Variants in NCAM2 observed in about 807,000 individuals in gnomAD.
The protein encoded by NCAM2 is neural cell adhesion molecule 2.
NCAM2 carries 30 observed loss-of-function variants against 98.1 expected under a neutral mutation model. The ratio of observed to expected loss-of-function variants is 0.31; its 90% CI spans 0.23 to 0.41. The LOEUF (loss-of-function observed/expected upper bound fraction) is 0.41, where lower values mean the gene tolerates loss of function less well. NCAM2 is among the 10% of genes least tolerant of loss of function. The pLI, the probability that NCAM2 is intolerant of heterozygous loss-of-function variation, is 1.00. For missense variants in NCAM2, 867 were observed against 1,005.8 expected, an observed-to-expected ratio of 0.86 and a Z score of 1.87; for synonymous variants, 368 against 342.4, an observed-to-expected ratio of 1.07 and a Z score of -0.83.
At chr21:21,055,295 A>T (rs1026948892) in intron 1 of NCAM2, among the ~76,000 whole-genome samples, 1 of 152,044 alleles carries the variant, frequency 6.6e-6, no homozygotes, top group Non-Finnish European at 1.5e-5. Flanking sequence ...CTGTGAAATC[A>T]TTCAGATAAT....
chr21:21,246,477 G>A (rs1391970817), intron 1 of NCAM2, among the ~76,000 whole-genome samples: 1 of 152,068 alleles, frequency 6.6e-6, no homozygotes, highest in South Asian at 2.1e-4. Context: ...CAATATATTT[G>A]CATACAAAGA....
intron 1 of NCAM2, among the ~76,000 whole-genome samples, chr21:21,173,096 C>T (rs1046623905): frequency 1.3e-5 from 2 of 151,986 alleles, no homozygotes; most frequent in Non-Finnish European, 2.9e-5. Context: ...TAACATTATG[C>T]CTGAAGCATA....
At chr21:21,354,805 A>G (rs1367852490) in intron 8 of NCAM2, among the ~76,000 whole-genome samples, 2 of 147,618 alleles carry the variant, frequency 1.4e-5, no homozygotes, top group Admixed American at 6.9e-5. Flanking sequence ...TCATTGTAAA[A>G]GAAACTCATT....
intron 9 of NCAM2, among the ~76,000 whole-genome samples, chr21:21,374,836 T>C (rs1262867582): frequency 1.3e-5 from 2 of 151,802 alleles, no homozygotes; most frequent in Non-Finnish European, 2.9e-5. Flanking sequence ...ATTGATAGAA[T>C]GCAATGGTAA....
chr21:21,457,642 G>GAA (rs536117484), intron 12 of NCAM2, among the ~76,000 whole-genome samples: 2 of 136,478 alleles, frequency 1.5e-5, no homozygotes, highest in East Asian at 2.1e-4. Context: ...TCCTTCTCAA[G>GAA]AAAAAAAAAA....
chr21:21,162,389 T>C (rs933438018), intron 1 of NCAM2, among the ~76,000 whole-genome samples: 5 of 152,064 alleles, frequency 3.3e-5, no homozygotes, highest in Non-Finnish European at 7.4e-5. Context: ...AAAATATACA[T>C]AAAACATAAA....
chr21:21,119,124 G>A lies in NCAM2; in HGVS notation c.55+120506G>A, dbSNP rs565146610. The stretch of plus-strand genomic sequence containing the variant: ...TTTTCATTTGGGAGATCATGATAAT[G>A]CATTTGAAATTCATTCAGAGTCTAG... On this transcript the variant is annotated intron_variant, in intron 1 of 17. Transcript: ENST00000400546. 2.0e-5 allele frequency among the ~76,000 whole-genome samples: 3 copies of A among 152,188 alleles called. No individual in the cohort carries two copies. In the South Asian group the frequency reaches 6.2e-4, roughly 32 times the overall value.
intron 1 of NCAM2, among the ~76,000 whole-genome samples, chr21:21,170,595 G>A (rs1157742454): frequency 6.6e-6 from 1 of 152,106 alleles, no homozygotes; most frequent in African/African-American, 2.4e-5. Flanking sequence ...GAACACAGAG[G>A]CTATTTAGGG....
intron 1 of NCAM2, among the ~76,000 whole-genome samples, chr21:21,148,987 A>G (rs533726680): frequency 3.9e-5 from 6 of 152,282 alleles, no homozygotes; most frequent in African/African-American, 1.4e-4. Flanking sequence ...TCCCTTTTCA[A>G]ATTTAATGAT....
At chr21:21,424,770 G>A (rs111529015) in intron 11 of NCAM2, among the ~76,000 whole-genome samples, 8 of 151,982 alleles carry the variant, frequency 5.3e-5, no homozygotes, top group African/African-American at 1.4e-4. Context: ...GGTGGTTTAC[G>A]CCTGTAATAC....
At chr21:21,160,742 A>G (rs2067758028) in intron 1 of NCAM2, among the ~76,000 whole-genome samples, 1 of 152,024 alleles carries the variant, frequency 6.6e-6, no homozygotes, top group East Asian at 1.9e-4. Context: ...ATAAAATGTG[A>G]AGATACAGTA....
intron 1 of NCAM2, among the ~76,000 whole-genome samples, chr21:21,093,459 A>G (rs1218320435): frequency 6.6e-6 from 1 of 152,086 alleles, no homozygotes; most frequent in Admixed American, 6.6e-5. Flanking sequence ...ACATCTTGGC[A>G]TTATCCTTGA....
At chr21:21,159,631 G>A (rs1342209873) in intron 1 of NCAM2, among the ~76,000 whole-genome samples, 1 of 152,104 alleles carries the variant, frequency 6.6e-6, no homozygotes, top group South Asian at 2.1e-4. Context: ...TATAGGCTAG[G>A]TGTGTAGTAG....
At chr21:21,418,599 G>T in intron 11 of NCAM2, 30 bp downstream of exon 11, 1 of 1,429,490 alleles carries the variant, frequency 7.0e-7, no homozygotes, top group South Asian at 1.2e-5. Context: ...TTTTGAGATC[G>T]CACACAATAT....
chr21:21,489,947 A>G (rs1203561286), intron 15 of NCAM2, among the ~76,000 whole-genome samples: 3 of 151,728 alleles, frequency 2.0e-5, no homozygotes, highest in African/African-American at 7.3e-5. Flanking sequence ...ATACTTACAT[A>G]ATCCCAATTT....
chr21:21,296,734 C>T (rs565375374), intron 5 of NCAM2, among the ~76,000 whole-genome samples: 112 of 151,732 alleles, frequency 7.4e-4, no homozygotes, highest in Non-Finnish European at 1.4e-3. Context: ...AAGAGGAAGG[C>T]GTACAATAAA....
chr21:21,253,861 A>G (rs771111945), intron 1 of NCAM2, among the ~76,000 whole-genome samples: 4 of 152,212 alleles, frequency 2.6e-5, no homozygotes, highest in Non-Finnish European at 5.9e-5. Context: ...CCTAGATTTC[A>G]GACACAGAAT....
At chr21:21,280,240 T>C (rs1030822512) in intron 1 of NCAM2, among the ~76,000 whole-genome samples, 3 of 152,086 alleles carry the variant, frequency 2.0e-5, no homozygotes, top group Admixed American at 6.5e-5. Context: ...GCAAACATCT[T>C]TTTTTTAGCT....
intron 1 of NCAM2, among the ~76,000 whole-genome samples, chr21:21,102,380 A>T (rs1804791285): frequency 6.6e-6 from 1 of 151,954 alleles, no homozygotes; most frequent in Non-Finnish European, 1.5e-5. Context: ...ATGTAGTTTA[A>T]TTTTTTTAAC....
Sources: gnomAD v4.1 joint callset for allele counts (sites outside exome capture counted in the v4.1 genomes callset) on GRCh38, gnomAD v4.1.1 for gene constraint, MANE v1.5 for transcripts, NCBI Gene and HGNC (gene_info 2026-07-23, HGNC 2026-07-21) for gene names.